Variants in ATP2B4 observed in about 807,000 individuals in gnomAD.
ATP2B4 encodes ATPase plasma membrane Ca2+ transporting 4, also known as plasma membrane calcium-transporting ATPase 4.
In ATP2B4, 39 loss-of-function variants were observed where a neutral mutation model predicts 110.3. The observed-to-expected ratio is 0.35, with a 90% CI of 0.27 to 0.46. The LOEUF (loss-of-function observed/expected upper bound fraction) is 0.46. Among genes scored for constraint, ATP2B4 ranks in the 20% least tolerant of loss-of-function variants. The pLI, the probability that ATP2B4 is intolerant of heterozygous loss-of-function variation, is 1.00. For synonymous variants in ATP2B4, 538 were observed against 571.7 expected, an observed-to-expected ratio of 0.94 and a Z score of 0.84; for missense variants, 1,135 against 1,530.9, an observed-to-expected ratio of 0.74 and a Z score of 4.32.
chr1:203,695,815 ACT>A lies in ATP2B4; in HGVS notation c.194-2339_194-2338del, dbSNP rs548458653. Among the ~76,000 whole-genome samples the A allele has an allele frequency of 3.2e-4, 49 of 151,598 alleles. 1 individual carries two copies. The South Asian group carries it at 9.0e-3, about 28-fold the overall frequency. ...GATAGGGAAATGGAGGCCATCCCAA[ACT>A]CTGCAAATAATGCTCCCTTGGGTAC... On this transcript the variant is annotated intron_variant, in intron 2 of 20. Coordinates refer to ENST00000357681, the MANE Select transcript of ATP2B4 (RefSeq NM_001684.5).
chr1:203,657,659 T>C, intron 1 of ATP2B4: 1 of 799,742 alleles, frequency 1.3e-6, no homozygotes, highest in Non-Finnish European at 2.3e-6. Context: ...GAGCCTCTCG[T>C]TCATAAGCCT....
chr1:203,698,036 T>C (rs906532966), intron 2 of ATP2B4, 121 bp from the exon 3 acceptor site: 2 of 797,712 alleles, frequency 2.5e-6, no homozygotes, highest in Non-Finnish European at 4.1e-6. Flanking sequence ...AGACAGCGTC[T>C]CTCTCTGTTG....
chr1:203,704,467 C>CTT (rs35019828), intron 8 of ATP2B4, among the ~76,000 whole-genome samples: 3,659 of 68,690 alleles, frequency 0.053, 788 homozygotes, highest in Non-Finnish European at 0.067. Flanking sequence ...AAGGAACAGT[C>CTT]TTTTTTTTTT....
chr1:203,640,576 T>C (rs1044972874), intron 1 of ATP2B4, among the ~76,000 whole-genome samples: 3 of 152,176 alleles, frequency 2.0e-5, no homozygotes, highest in Non-Finnish European at 4.4e-5. Flanking sequence ...CTGCCCACCT[T>C]GGCCCCCCAG....
At chr1:203,722,738 C>T in intron 18 of ATP2B4, 49 bp downstream of exon 18, 1 of 1,580,760 alleles carries the variant, frequency 6.3e-7, no homozygotes, top group Non-Finnish European at 8.7e-7. Flanking sequence ...TGATAAAGGG[C>T]AGAAGCTGGG....
chr1:203,730,241 A>C (rs1233631017), intron 20 of ATP2B4, among the ~76,000 whole-genome samples: 1 of 151,526 alleles, frequency 6.6e-6, no homozygotes, highest in Non-Finnish European at 1.5e-5. Flanking sequence ...AAAAAAAAAA[A>C]AAAGAAGAAA....
chr1:203,669,081 C>T (rs1188643850), intron 1 of ATP2B4, among the ~76,000 whole-genome samples: 1 of 152,084 alleles, frequency 6.6e-6, no homozygotes, highest in Non-Finnish European at 1.5e-5. Flanking sequence ...TCCTACAAAC[C>T]TCCGACCACC....
At position 203,741,085 on chromosome 1, in the gene ATP2B4, C is replaced by G. The variant is rs1666987843; in HGVS notation, c.*1231C>G. 1 of 152,346 alleles carries G rather than the reference C, an allele frequency of 6.6e-6. No homozygotes were observed. The highest frequency in any genetic ancestry group is 1.5e-5 in the Non-Finnish European group (1 of 68,054). The allele number at this position is 152,346 out of a possible 1,614,324, so 9.4% of individuals were successfully genotyped here. ...CTGGGGACCAGCTTCGACATTCTCT[C>G]CAGTTTCTGATTCTAATTTTTGCCA... is the stretch of plus-strand genomic sequence containing the variant. On this transcript the variant is annotated 3_prime_UTR_variant, in exon 21 of 21. Transcript: ENST00000357681.
intron 17 of ATP2B4, 86 bp downstream of exon 17, chr1:203,721,496 A>T (rs1352843738): frequency 7.3e-7 from 1 of 1,375,780 alleles, no homozygotes; most frequent in South Asian, 1.3e-5. Flanking sequence ...GCAAGTGCAC[A>T]GGTCAGGAAT....
intron 20 of ATP2B4, among the ~76,000 whole-genome samples, chr1:203,729,932 G>T (rs537648730): frequency 6.6e-6 from 1 of 152,272 alleles, no homozygotes; most frequent in Admixed American, 6.5e-5. Context: ...GGTGGTGCTT[G>T]GATGCATCCA....
rs765639720 is a variant in ATP2B4 at position 203,699,601 on chromosome 1, G to A, written c.533G>A (p.Arg178Gln). Reference protein sequence around the residue: ...FNDWSKEKQFRGLQCRIEQEQ... With the variant: ...FNDWSKEKQFQGLQCRIEQEQ... Reference sequence around the variant, plus strand: ...GATTGGAGCAAAGAGAAGCAATTCCGGGGGCTGCAGTGCCGCATTGAACAG... The same window carrying A: ...GATTGGAGCAAAGAGAAGCAATTCCAGGGGCTGCAGTGCCGCATTGAACAG... Residue 178 changes from arginine to glutamine, a missense_variant, in exon 4 of 21, where the codon CGG (arginine) becomes CAG (glutamine). Physicochemically the swap from Arg to Gln is conservative, Grantham distance 43. Transcript: ENST00000357681. The A allele has an allele frequency of 1.1e-5, 18 of 1,614,002 alleles. No homozygotes were observed. Among genetic ancestry groups the A allele is most frequent in the South Asian group, 3.3e-5 (3 of 91,074 alleles).
intron 10 of ATP2B4, among the ~76,000 whole-genome samples, chr1:203,708,584 T>C (rs1665916443): frequency 6.6e-6 from 1 of 152,096 alleles, no homozygotes; most frequent in African/African-American, 2.4e-5. Context: ...AGGCTAGGCA[T>C]AGTGGCTCAC....
intron 1 of ATP2B4, chr1:203,657,390 A>G: frequency 1.3e-6 from 1 of 749,642 alleles, no homozygotes; most frequent in Non-Finnish European, 2.4e-6. Context: ...AGTCAGAGGG[A>G]CTTCCCGTTT....
chr1:203,644,994 T>C (rs1252641623), intron 1 of ATP2B4, among the ~76,000 whole-genome samples: 1 of 152,296 alleles, frequency 6.6e-6, no homozygotes, highest in East Asian at 1.9e-4. Context: ...TTTTACTTCT[T>C]TGTGGTGTCC....
intron 20 of ATP2B4, among the ~76,000 whole-genome samples, chr1:203,739,259 G>T (rs1666945483): frequency 6.6e-6 from 1 of 152,106 alleles, no homozygotes; most frequent in African/African-American, 2.4e-5. Context: ...AAAGTAGATT[G>T]TTTGGGAATG....
At position 203,627,159 on chromosome 1, in the gene ATP2B4, C is replaced by T. The variant is rs1023928995; in HGVS notation, c.-525C>T. 1 of 152,260 alleles carries T rather than the reference C, an allele frequency of 6.6e-6. No individual in the cohort carries two copies. The allele number at this position is 152,260 out of a possible 1,614,324, so 9.4% of individuals were successfully genotyped here. ...GGTGGTCACCCCACCCTACCCTCAT[C>T]CATGGAAACCCGGAGGGAGAGTCCC... On this transcript the variant is annotated 5_prime_UTR_variant, in exon 1 of 21. Transcript: ENST00000357681.
chr1:203,715,736 T>C (rs1666142345), intron 15 of ATP2B4, among the ~76,000 whole-genome samples: 1 of 144,866 alleles, frequency 6.9e-6, no homozygotes, highest in African/African-American at 2.5e-5. Context: ...TGTTCACATT[T>C]TCCTAACTGA....
Position 203,725,904 on chromosome 1 carries a change from C to CCTTT in ATP2B4, c.3133-1491_3133-1490insCTTT, listed in dbSNP as rs1553251343. ...ATTTCTTTTTCTTTTCTTTTCTTTT[C>CCTTT]TTTTTTTTTTTTTTTTTTTTTTAAG... On this transcript the variant is annotated intron_variant, in intron 19 of 20. Coordinates refer to ENST00000357681, the MANE Select transcript of ATP2B4 (RefSeq NM_001684.5). Among the ~76,000 whole-genome samples, 6 of 93,382 alleles carry CCTTT rather than the reference C, an allele frequency of 6.4e-5. No homozygotes were observed. The East Asian group carries it at 1.6e-3, about 25-fold the overall frequency. The allele number at this position is 93,382 out of a possible 152,430, so 61.3% of individuals were successfully genotyped here.
Position 203,741,648 on chromosome 1 carries a change from C to T in ATP2B4, c.*1794C>T, listed in dbSNP as rs899239761. ...TTCTTCTGGATCTGTCCTCCCTCAC[C>T]CCTTTCACCTGAGCTGTCCACAGTA... On this transcript the variant is annotated 3_prime_UTR_variant, in exon 21 of 21. Transcript: ENST00000357681. 10 of 152,318 alleles carry T rather than the reference C, an allele frequency of 6.6e-5. No homozygotes were observed. The highest frequency in any genetic ancestry group is 2.4e-4 in the African/African-American group (10 of 41,432). The allele number at this position is 152,318 out of a possible 1,614,324, so 9.4% of individuals were successfully genotyped here.
Sources: gnomAD v4.1 joint callset for allele counts (sites outside exome capture counted in the v4.1 genomes callset) on GRCh38, gnomAD v4.1.1 for gene constraint, MANE v1.5 for transcripts, NCBI Gene and HGNC (gene_info 2026-07-23, HGNC 2026-07-21) for gene names.